SLC7A9: variants seen among roughly 807,000 people sequenced by gnomAD.
The protein encoded by SLC7A9 is B(0,+)-type amino acid transporter 1.
A neutral mutation model predicts 54.1 loss-of-function variants in SLC7A9; 38 were observed. The observed-to-expected ratio is 0.70, with a 90% confidence interval of 0.54 to 0.92. SLC7A9 has a LOEUF of 0.92. SLC7A9 is among the 40% of genes least tolerant of loss of function. The pLI is 0.00. For synonymous variants in SLC7A9, 264 were observed against 258.9 expected, an observed-to-expected ratio of 1.02 and a Z score of -0.19; for missense variants, 537 against 636.1, an observed-to-expected ratio of 0.84 and a Z score of 1.68.
At chr19:32,838,576 CAT>C (rs1468225435) in intron 11 of SLC7A9, among the ~76,000 whole-genome samples, 2 of 147,020 alleles carry the variant, frequency 1.4e-5, no homozygotes, top group African/African-American at 2.5e-5. Context: ...ATATACATAT[CAT>C]GTGTATATAA....
intron 2 of SLC7A9, among the ~76,000 whole-genome samples, chr19:32,866,721 G>C (rs776487507): frequency 6.6e-6 from 1 of 152,144 alleles, no homozygotes; most frequent in Non-Finnish European, 1.5e-5. Context: ...GCAGCCCATC[G>C]TCTACCTCCT....
At chr19:32,862,702 G>A in intron 4 of SLC7A9, 116 bp from the exon 5 acceptor site, 1 of 919,142 alleles carries the variant, frequency 1.1e-6, no homozygotes, top group Non-Finnish European at 1.5e-6. Context: ...GTCTCACTCT[G>A]TCACCCAGGC....
At chr19:32,854,420 G>A (rs778557647) in intron 9 of SLC7A9, among the ~76,000 whole-genome samples, 4 of 152,130 alleles carry the variant, frequency 2.6e-5, no homozygotes, top group South Asian at 2.1e-4. Flanking sequence ...AAACTGGCAA[G>A]CTGATTGTAA....
chr19:32,867,774 G>A (rs1021249968), intron 2 of SLC7A9, among the ~76,000 whole-genome samples: 9 of 151,266 alleles, frequency 5.9e-5, no homozygotes, highest in Admixed American at 3.3e-4. Flanking sequence ...GTGAAACCTC[G>A]TCTCTACTGA....
At chr19:32,864,460 G>A in intron 3 of SLC7A9, 122 bp from the exon 4 acceptor site, 1 of 1,524,600 alleles carries the variant, frequency 6.6e-7, no homozygotes, top group Non-Finnish European at 9.0e-7. Flanking sequence ...CGCCCTCGCT[G>A]GACGGCCCTG....
At chr19:32,864,025 T>C (rs1171769430) in intron 4 of SLC7A9, 71 bp downstream of exon 4, 5 of 1,607,542 alleles carry the variant, frequency 3.1e-6, no homozygotes, top group Non-Finnish European at 4.2e-6. Flanking sequence ...GGGGAGGAGC[T>C]GAGGGCGGAG....
chr19:32,843,987 G>C, intron 9 of SLC7A9, 36 bp from the exon 10 acceptor site: 1 of 1,486,494 alleles, frequency 6.7e-7, no homozygotes, highest in Non-Finnish European at 9.4e-7. Context: ...GCTGACCAGA[G>C]TGCAGACCAT....
At chr19:32,862,948 T>C (rs11084674) in intron 4 of SLC7A9, 54,215 of 162,266 alleles carry the variant, frequency 0.33, 9,301 homozygotes, top group Middle Eastern at 0.39. Flanking sequence ...TGGTCATCCT[T>C]TTCCACCGAG....
intron 12 of SLC7A9, chr19:32,831,404 A>C (rs1967786301): frequency 6.6e-6 from 1 of 152,128 alleles, no homozygotes; most frequent in African/African-American, 2.4e-5. Flanking sequence ...CTTCTGCCTC[A>C]GCCTCCTGAG....
intron 9 of SLC7A9, among the ~76,000 whole-genome samples, chr19:32,847,822 A>T (rs1171003456): frequency 6.6e-6 from 1 of 152,216 alleles, no homozygotes; most frequent in South Asian, 2.1e-4. Flanking sequence ...AGCCGGTCAG[A>T]CTAACAGCGG....
chr19:32,847,015 C>T (rs1178369575), intron 9 of SLC7A9, among the ~76,000 whole-genome samples: 1 of 152,130 alleles, frequency 6.6e-6, no homozygotes, highest in African/African-American at 2.4e-5. Context: ...GAAAGGACAT[C>T]CACACCAAAA....
chr19:32,848,847 G>A (rs1405204330), intron 9 of SLC7A9, among the ~76,000 whole-genome samples: 2 of 152,168 alleles, frequency 1.3e-5, no homozygotes, highest in Non-Finnish European at 2.9e-5. Flanking sequence ...TCAGACCACA[G>A]TGCAATCAAA....
At chr19:32,839,548 G>A (rs1161319522) in intron 11 of SLC7A9, among the ~76,000 whole-genome samples, 17 of 128,110 alleles carry the variant, frequency 1.3e-4, no homozygotes, top group Admixed American at 6.7e-4. Context: ...GTGACACTCC[G>A]TCTCAAAAAA....
chr19:32,832,965 A>G (rs1967848563), intron 12 of SLC7A9, 184 bp downstream of exon 12: 2 of 662,470 alleles, frequency 3.0e-6, no homozygotes, highest in Middle Eastern at 8.4e-4. Context: ...ATTGACAGGA[A>G]CAAAACAATC....
chr19:32,845,034 G>A (rs1968245064), intron 9 of SLC7A9, among the ~76,000 whole-genome samples: 1 of 151,190 alleles, frequency 6.6e-6, no homozygotes, highest in Admixed American at 6.6e-5. Flanking sequence ...CATGGTGGTG[G>A]GCGCCTGTAC....
At chr19:32,837,771 G>A (rs1317808279) in intron 11 of SLC7A9, among the ~76,000 whole-genome samples, 3 of 152,198 alleles carry the variant, frequency 2.0e-5, no homozygotes, top group Non-Finnish European at 4.4e-5. Context: ...GATGTGTGTT[G>A]AATTTGGAAT....
At chr19:32,852,575 C>G (rs1968500465) in intron 9 of SLC7A9, among the ~76,000 whole-genome samples, 1 of 152,064 alleles carries the variant, frequency 6.6e-6, no homozygotes, top group Admixed American at 6.6e-5. Flanking sequence ...AATTAGAAGT[C>G]AATACAAATG....
chr19:32,852,948 C>CT (rs1211851146), intron 9 of SLC7A9, among the ~76,000 whole-genome samples: 2 of 131,752 alleles, frequency 1.5e-5, no homozygotes, highest in African/African-American at 5.8e-5. Flanking sequence ...GAGTCTCGCT[C>CT]TGTCACCCAG....
Position 32,833,341 on chromosome 19 carries a change from G to A in SLC7A9, c.1225-18C>T, listed in dbSNP as rs766067754. On this transcript the variant is annotated intron_variant, in intron 11 of 12. Coordinates refer to ENST00000023064, the MANE Select transcript of SLC7A9 (RefSeq NM_014270.5). ...ACGGGCACCTGGAGACGAAAAACAGGTCATGGGTACCCATTTTCTTTTTGA... is the reference window on the plus strand; with the variant it reads ...ACGGGCACCTGGAGACGAAAAACAGATCATGGGTACCCATTTTCTTTTTGA... 3 of 1,613,532 alleles carry A rather than the reference G, an allele frequency of 1.9e-6. No homozygotes were observed. Among genetic ancestry groups the A allele is most frequent in the African/African-American group, 2.7e-5 (2 of 74,868 alleles).
Sources: allele counts gnomAD v4.1 joint callset (sites outside exome capture counted in the v4.1 genomes callset), GRCh38; gene constraint gnomAD v4.1.1; transcripts MANE v1.5; gene names NCBI Gene and HGNC (gene_info 2026-07-23, HGNC 2026-07-21).